The following KIF6 variants were observed in gnomAD, a reference collection of about 807,000 sequenced individuals.
The protein encoded by KIF6 is kinesin-like protein KIF6.
In KIF6, 106 loss-of-function variants were observed where a neutral mutation model predicts 112.7. The ratio of observed to expected loss-of-function variants is 0.94; its 90% CI spans 0.80 to 1.11. The LOEUF (loss-of-function observed/expected upper bound fraction) is 1.11, where lower values mean the gene tolerates loss of function less well. Ranked by LOEUF, KIF6 falls within the 50% of genes least tolerant of loss-of-function variation. The probability of loss-of-function intolerance (pLI) is 0.00; values close to 1 mark genes in which losing one functional copy is unlikely to be tolerated. For synonymous variants in KIF6, 339 were observed against 339.9 expected, an observed-to-expected ratio of 1.00 and a Z score of 0.03; for missense variants, 929 against 964.0, an observed-to-expected ratio of 0.96 and a Z score of 0.48.
In KIF6 at chr6:39,439,944, A is replaced by G. The variant is rs559763261; in HGVS notation, c.1646-8783T>C. Among the ~76,000 whole-genome samples, 207 of 152,280 alleles carry G rather than the reference A, an allele frequency of 1.4e-3. 1 individual carries two copies. The highest frequency in any genetic ancestry group is 4.7e-3 in the African/African-American group (197 of 41,562). On this transcript the variant is annotated intron_variant, in intron 13 of 22. Transcript: ENST00000287152. ...TAAACAACCTACTGCTGCTTAAGCT[A>G]TTGCTTAAAAATTGACAAAAGTACA...
At chr6:39,568,910 CA>C (rs1209742878) in intron 10 of KIF6, among the ~76,000 whole-genome samples, 1 of 152,138 alleles carries the variant, frequency 6.6e-6, no homozygotes, top group Non-Finnish European at 1.5e-5. Flanking sequence ...ATGTTTCAAA[CA>C]ATCTTCAATA....
chr6:39,399,589 C>T (rs1458150592), intron 15 of KIF6, among the ~76,000 whole-genome samples: 4 of 152,202 alleles, frequency 2.6e-5, no homozygotes, highest in African/African-American at 2.4e-5. Context: ...GGAAAACAAA[C>T]TGCTATAAAC....
intron 7 of KIF6, among the ~76,000 whole-genome samples, chr6:39,588,596 T>C (rs1781764319): frequency 6.6e-6 from 1 of 152,168 alleles, no homozygotes; most frequent in South Asian, 2.1e-4. Flanking sequence ...TGTGCTACTA[T>C]CATCTTGGCA....
At position 39,385,604 on chromosome 6, in the gene KIF6, G is replaced by A. The variant is rs541750927; in HGVS notation, c.1861+18C>T. 1,209 of 1,603,760 alleles carry A rather than the reference G, an allele frequency of 7.5e-4. 20 individuals are homozygous for A. The South Asian group carries it at 0.012, about 16-fold the overall frequency. ...ATATTACCTTCATCCTCTTCCTGCA[G>A]ATTCTCTTTGTACCTACCTAGGGCT... On this transcript the variant is annotated intron_variant, in intron 16 of 22. Transcript: ENST00000287152.
At chr6:39,394,290 C>T (rs990980369) in intron 15 of KIF6, among the ~76,000 whole-genome samples, 1 of 152,144 alleles carries the variant, frequency 6.6e-6, no homozygotes, top group Non-Finnish European at 1.5e-5. Flanking sequence ...AAATTAAATA[C>T]CCACTGCACT....
Position 39,523,211 on chromosome 6 carries a change from C to A in KIF6, c.1645+16792G>T, listed in dbSNP as rs1582043240. On this transcript the variant is annotated intron_variant, in intron 13 of 22. Coordinates refer to ENST00000287152, the MANE Select transcript of KIF6 (RefSeq NM_145027.6). ...TGCTATGTATCTCAAATGTTTGTCTCATCTTTTCAGTCCCTACCGTGGCTG... is the reference window on the plus strand; with the variant it reads ...TGCTATGTATCTCAAATGTTTGTCTAATCTTTTCAGTCCCTACCGTGGCTG... Among the ~76,000 whole-genome samples the A allele has an allele frequency of 2.0e-5, 3 of 152,204 alleles. 1 individual carries two copies. In the East Asian group the frequency reaches 5.8e-4, roughly 30 times the overall value.
chr6:39,578,364 G>T (rs573792845), intron 9 of KIF6, among the ~76,000 whole-genome samples: 2 of 132,298 alleles, frequency 1.5e-5, no homozygotes, highest in African/African-American at 6.1e-5. Context: ...ACAGAGTCTC[G>T]TTCTGTCACC....
chr6:39,570,177 C>A (rs530982524), intron 10 of KIF6, among the ~76,000 whole-genome samples: 13 of 152,090 alleles, frequency 8.5e-5, no homozygotes, highest in Admixed American at 1.3e-4. Flanking sequence ...AAAAGAAATG[C>A]CCCAAACCGA....
intron 16 of KIF6, among the ~76,000 whole-genome samples, chr6:39,374,809 T>C (rs772973742): frequency 1.3e-5 from 2 of 152,212 alleles, no homozygotes; most frequent in Non-Finnish European, 2.9e-5. Context: ...GAAAGCAGTA[T>C]GGAGGTTGTT....
chr6:39,557,005 T>C (rs1386572235), intron 10 of KIF6, among the ~76,000 whole-genome samples: 1 of 152,168 alleles, frequency 6.6e-6, no homozygotes, highest in Non-Finnish European at 1.5e-5. Flanking sequence ...AGCTGAAATT[T>C]TTAAATAACA....
At chr6:39,714,993 A>C in intron 2 of KIF6, 1 of 377,834 alleles carries the variant, frequency 2.6e-6, no homozygotes, top group Non-Finnish European at 4.7e-6. Context: ...TGCACAATAA[A>C]TCCCTCTGAA....
At chr6:39,452,843 G>C (rs545056100) in intron 13 of KIF6, among the ~76,000 whole-genome samples, 1 of 152,286 alleles carries the variant, frequency 6.6e-6, no homozygotes, top group South Asian at 2.1e-4. Flanking sequence ...TTTCAGAACA[G>C]GCGCAAAATC....
At chr6:39,511,355 T>C (rs1215652356) in intron 13 of KIF6, among the ~76,000 whole-genome samples, 1 of 152,240 alleles carries the variant, frequency 6.6e-6, no homozygotes, top group East Asian at 1.9e-4. Flanking sequence ...TCGTCATTAC[T>C]GGTCATCAAA....
At chr6:39,722,164 T>A (rs569898848) in intron 1 of KIF6, among the ~76,000 whole-genome samples, 2 of 152,224 alleles carry the variant, frequency 1.3e-5, no homozygotes, top group Admixed American at 6.5e-5. Context: ...AAAAGTTTTA[T>A]AGCCAGACAG....
At chr6:39,553,184 C>T (rs1399166352) in intron 10 of KIF6, among the ~76,000 whole-genome samples, 1 of 152,132 alleles carries the variant, frequency 6.6e-6, no homozygotes. Context: ...CCCTTACATG[C>T]AAGGAATTGA....
At chr6:39,402,367 G>T (rs576812838) in intron 15 of KIF6, among the ~76,000 whole-genome samples, 1 of 152,162 alleles carries the variant, frequency 6.6e-6, no homozygotes. Context: ...TACTCACTCC[G>T]TGCTGTGCCC....
Position 39,483,072 on chromosome 6 carries a change from A to G in KIF6, c.1646-51911T>C, listed in dbSNP as rs532981884. Among the ~76,000 whole-genome samples the G allele has an allele frequency of 6.6e-5, 10 of 152,348 alleles. No homozygotes were observed. In the South Asian group the frequency reaches 2.1e-3, roughly 32 times the overall value. ...ACAAATAATCCAAAACTTTCATTTC[A>G]GTAAAGAGTTTTTATCTTTCATTCC... On this transcript the variant is annotated intron_variant, in intron 13 of 22. Transcript: ENST00000287152.
intron 15 of KIF6, among the ~76,000 whole-genome samples, chr6:39,419,217 G>C (rs1239454371): frequency 6.6e-6 from 1 of 151,966 alleles, no homozygotes; most frequent in Non-Finnish European, 1.5e-5. Context: ...AGCTGGGTGT[G>C]ATGGCATGCA....
At chr6:39,635,689 G>A (rs1229899144) in intron 4 of KIF6, among the ~76,000 whole-genome samples, 2 of 152,014 alleles carry the variant, frequency 1.3e-5, no homozygotes, top group Admixed American at 1.3e-4. Flanking sequence ...TAAAAGTAAA[G>A]GTGCCTGGTC....
Sources: allele counts gnomAD v4.1 joint callset (sites outside exome capture counted in the v4.1 genomes callset), GRCh38; gene constraint gnomAD v4.1.1; transcripts MANE v1.5; gene names NCBI Gene and HGNC (gene_info 2026-07-23, HGNC 2026-07-21).